Variants in HCN3 observed in about 807,000 individuals in gnomAD.
HCN3 encodes the protein hyperpolarization activated cyclic nucleotide gated potassium channel 3, also known as potassium/sodium hyperpolarization-activated cyclic nucleotide-gated channel 3.
HCN3 carries 36 observed loss-of-function variants against 56.8 expected under a neutral mutation model. The observed-to-expected ratio is 0.63, with a 90% CI of 0.49 to 0.84. The LOEUF (loss-of-function observed/expected upper bound fraction) is 0.84, where lower values mean the gene tolerates loss of function less well. Ranked by LOEUF, HCN3 falls within the 40% of genes least tolerant of loss-of-function variation. The pLI, the probability that HCN3 is intolerant of heterozygous loss-of-function variation, is 0.00. For synonymous variants in HCN3, 425 were observed against 439.7 expected (o/e 0.97, Z 0.42); for missense variants, 930 against 1,079.3 (o/e 0.86, Z 1.94).
chr1:155,283,684 C>T (rs956021472), intron 2 of HCN3, among the ~76,000 whole-genome samples: 3 of 151,796 alleles, frequency 2.0e-5, no homozygotes, highest in African/African-American at 7.3e-5. Context: ...ACCTGGGCAG[C>T]TTGTGCAATA....
In HCN3 at chr1:155,285,973, G is replaced by A. The variant is rs1557949778; in HGVS notation, c.1477+9G>A. 6.4e-7 allele frequency: 1 copy of A among 1,566,052 alleles called. No homozygotes were observed. Among genetic ancestry groups the A allele is most frequent in the Non-Finnish European group, 8.7e-7 (1 of 1,151,658 alleles). ...TGGATCCTACTTTGGGGGTCAGCAG[G>A]CCTCAGGGAGGGTGGCAGGGTCACG... On this transcript the variant is annotated intron_variant, in intron 6 of 7. Transcript: ENST00000368358. This position sits in a 1 kb window ranked among gnomAD's most constrained non-coding sequence, Gnocchi z 4.5.
rs1399307882 is a variant in HCN3, at chr1:155,285,959, T to C, written c.1472T>C (p.Phe491Ser). 1 of 1,580,710 alleles carries C rather than the reference T, an allele frequency of 6.3e-7. No individual in the cohort carries two copies. The highest frequency in any genetic ancestry group is 1.7e-5 in the Admixed American group (1 of 58,320). Residue 491 changes from phenylalanine to serine, a missense_variant, in exon 6 of 8, where the codon TTT becomes TCT. Coordinates refer to ENST00000368358, the MANE Select transcript of HCN3 (RefSeq NM_020897.3). The surrounding 1 kb of genome is among the most constrained non-coding windows in gnomAD (Gnocchi z 4.5). ...ACACGCCTCACCGATGGATCCTACT[T>C]TGGGGGTCAGCAGGCCTCAGGGAGG... ...RDTRLTDGSY[F>S]GEICLLTRGR...
At chr1:155,280,436 A>ATTTTT (rs58042846) in intron 1 of HCN3, among the ~76,000 whole-genome samples, 2 of 131,562 alleles carry the variant, frequency 1.5e-5, no homozygotes, top group Non-Finnish European at 3.3e-5. Context: ...CACCTGGCTA[A>ATTTTT]TTTTTTTTTT....
rs1427010799 is a variant in HCN3 at position 155,285,427 on chromosome 1, C to T, written c.1236+116C>T. ...AGGGAATGAGGCCTGCAGAGGGCCC[C>T]GTGGGAGGCCAGGTATTTGGGCTTT... is the stretch of plus-strand genomic sequence containing the variant. On this transcript the variant is annotated intron_variant, in intron 5 of 7. Coordinates refer to ENST00000368358, the MANE Select transcript of HCN3 (RefSeq NM_020897.3). The surrounding 1 kb of genome is among the most constrained non-coding windows in gnomAD (Gnocchi z 4.5). The T allele has an allele frequency of 3.7e-6, 5 of 1,363,206 alleles. No individual in the cohort carries two copies. The highest frequency in any genetic ancestry group is 1.5e-5 in the African/African-American group (1 of 68,432). 84.4% of individuals were successfully genotyped at this position (1,363,206 alleles called of 1,614,324 possible). A position where few individuals can be genotyped will look rare whatever the true frequency, so the allele number is the denominator to read the frequency against.
Position 155,277,679 on chromosome 1 carries a change from C to T in HCN3, c.89C>T (p.Ala30Val), listed in dbSNP as rs1673860482. 8 of 1,559,782 alleles carry T rather than the reference C, an allele frequency of 5.1e-6. No individual in the cohort carries two copies. The highest frequency in any genetic ancestry group is 6.1e-6 in the Non-Finnish European group (7 of 1,152,922). Reference sequence around the variant, plus strand: ...GTGCCTCCCGTTGCTCCCCCGCCTGCGACCGCGGCCTCAGGTCCGATCCCC... The same window carrying T: ...GTGCCTCCCGTTGCTCCCCCGCCTGTGACCGCGGCCTCAGGTCCGATCCCC... ...EAVPPVAPPP[A>V]TAASGPIPKS... is the part of the protein sequence containing the mutation. The change falls in exon 1 of 8, where the codon GCG becomes GTG. Residue 30 changes from alanine to valine, a missense_variant. Coordinates refer to ENST00000368358, the MANE Select transcript of HCN3 (RefSeq NM_020897.3).
In HCN3 at chr1:155,280,561, T is replaced by C. The variant is rs865890135; in HGVS notation, c.279-1850T>C. Among the ~76,000 whole-genome samples, 6 of 151,158 alleles carry C rather than the reference T, an allele frequency of 4.0e-5. No homozygotes were observed. In the Middle Eastern group the frequency reaches 0.01, roughly 259 times the overall value. ...ACGCCATTCTCCTTCCTCAGCCTCC[T>C]GAGTAGCTGGGACTACGGGCGCCCG... is the stretch of plus-strand genomic sequence containing the variant. On this transcript the variant is annotated intron_variant, in intron 1 of 7. Transcript: ENST00000368358.
chr1:155,278,173 A>G (rs983130385), intron 1 of HCN3, among the ~76,000 whole-genome samples: 1 of 152,134 alleles, frequency 6.6e-6, no homozygotes, highest in Non-Finnish European at 1.5e-5. Flanking sequence ...CAAAGGAACT[A>G]CCAGAGTTTG....
rs752827015 is a variant in HCN3 at position 155,287,141 on chromosome 1, G to A, written c.1478-32G>A. 5.0e-6 allele frequency: 8 copies of A among 1,606,618 alleles called. No individual in the cohort carries two copies. The African/African-American group carries it at 5.3e-5, about 11-fold the overall frequency. On this transcript the variant is annotated intron_variant, in intron 6 of 7. Coordinates refer to ENST00000368358, the MANE Select transcript of HCN3 (RefSeq NM_020897.3). ...CAAGAGGAGTTCTGGGGACAAGGACGGGGTTCTGAAGCTTCCTCCCAATTT... is the reference window on the plus strand; with the variant it reads ...CAAGAGGAGTTCTGGGGACAAGGACAGGGTTCTGAAGCTTCCTCCCAATTT...
chr1:155,285,443 T>G lies in HCN3; in HGVS notation c.1236+132T>G. On this transcript the variant is annotated intron_variant, in intron 5 of 7. Coordinates refer to ENST00000368358, the MANE Select transcript of HCN3 (RefSeq NM_020897.3). The surrounding 1 kb of genome is among the most constrained non-coding windows in gnomAD (Gnocchi z 4.5). Reference sequence around the variant, plus strand: ...AGAGGGCCCCGTGGGAGGCCAGGTATTTGGGCTTTCAGGGGCTAGGGTCTT... The same window carrying G: ...AGAGGGCCCCGTGGGAGGCCAGGTAGTTGGGCTTTCAGGGGCTAGGGTCTT... 1 of 1,251,932 alleles carries G rather than the reference T, an allele frequency of 8.0e-7. No homozygotes were observed. Among genetic ancestry groups the G allele is most frequent in the Non-Finnish European group, 1.1e-6 (1 of 915,668 alleles). 77.6% of individuals were successfully genotyped at this position (1,251,932 alleles called of 1,614,324 possible).
chr1:155,280,580 G>T (rs1673991857), intron 1 of HCN3, among the ~76,000 whole-genome samples: 1 of 147,608 alleles, frequency 6.8e-6, no homozygotes, highest in Admixed American at 6.8e-5. Flanking sequence ...GGGACTACGG[G>T]CGCCCGCCAC....
rs943701506 is a variant in HCN3, at chr1:155,277,827, G to A, written c.237G>A (p.Lys79=). 64 of 1,612,248 alleles carry A rather than the reference G, an allele frequency of 4.0e-5. No homozygotes were observed. The highest frequency in any genetic ancestry group is 4.6e-5 in the Non-Finnish European group (54 of 1,179,970). Reference sequence around the variant, plus strand: ...TGGAAATCGAGCAGGAGCGGGTGAAGTCAGCGGGGGCCTGGATCATCCACC... The same window carrying A: ...TGGAAATCGAGCAGGAGCGGGTGAAATCAGCGGGGGCCTGGATCATCCACC... The part of the protein sequence containing the change: ...KAVEIEQERV[K]SAGAWIIHPY... The change falls in exon 1 of 8, where the codon AAG becomes AAA. Residue 79 remains lysine, a synonymous_variant. Coordinates refer to ENST00000368358, the MANE Select transcript of HCN3 (RefSeq NM_020897.3).
In HCN3 at chr1:155,283,231, C is replaced by A. The variant is rs72704148; in HGVS notation, c.708+391C>A. On this transcript the variant is annotated intron_variant, in intron 2 of 7. Transcript: ENST00000368358. The stretch of plus-strand genomic sequence containing the variant: ...AGTCTCATTGTCTTTGGTCAGATCC[C>A]AGTTTTATTGTTTACTATAGGAGAC... Among the ~76,000 whole-genome samples the A allele has an allele frequency of 8.3e-3, 1,262 of 152,106 alleles. 10 individuals are homozygous for A. The highest frequency in any genetic ancestry group is 0.011 in the Non-Finnish European group (752 of 68,008).
rs201298503 is a variant in HCN3, at chr1:155,285,231, G to A, written c.1156G>A (p.Glu386Lys). ...LPADTRQRIH[E>K]YYEHRYQGKM... Reference sequence around the variant, plus strand: ...AGCAGACACGCGGCAGCGCATCCACGAGTACTATGAGCACCGCTACCAGGG... The same window carrying A: ...AGCAGACACGCGGCAGCGCATCCACAAGTACTATGAGCACCGCTACCAGGG... The change falls in exon 5 of 8, where the codon GAG becomes AAG. Residue 386 changes from glutamate (E) to lysine (K), a missense_variant. Transcript: ENST00000368358. The surrounding 1 kb of genome is among the most constrained non-coding windows in gnomAD (Gnocchi z 4.5). 8.7e-6 allele frequency: 14 copies of A among 1,614,236 alleles called. No homozygotes were observed. In the East Asian group the frequency reaches 2.5e-4, roughly 28 times the overall value.
Position 155,284,393 on chromosome 1 carries a change from C to A in HCN3, c.871-146C>A. ...ATAGAGGACCCTTTTGCCTCAGGGC[C>A]CCCCAGAACCAAACTTAAGTGCCTG... On this transcript the variant is annotated intron_variant, in intron 3 of 7. Coordinates refer to ENST00000368358, the MANE Select transcript of HCN3 (RefSeq NM_020897.3). The surrounding 1 kb of genome is among the most constrained non-coding windows in gnomAD (Gnocchi z 4.3). 4.1e-6 allele frequency: 4 copies of A among 971,336 alleles called. No homozygotes were observed. The highest frequency in any genetic ancestry group is 4.5e-6 in the Non-Finnish European group (3 of 673,982). The allele number at this position is 971,336 out of a possible 1,614,324, so 60.2% of individuals were successfully genotyped here. A position where few individuals can be genotyped will look rare whatever the true frequency, so the allele number is the denominator to read the frequency against.
chr1:155,284,152 G>A lies in HCN3; in HGVS notation c.870+17G>A. 1 of 1,611,658 alleles carries A rather than the reference G, an allele frequency of 6.2e-7. No homozygotes were observed. Among genetic ancestry groups the A allele is most frequent in the Non-Finnish European group, 8.5e-7 (1 of 1,177,948 alleles). ...CACATGGTGGTGAGAAGTCCCCACA[G>A]CTCTGCCTTTCCTGGGCCTTCTTAG... On this transcript the variant is annotated intron_variant, in intron 3 of 7. Coordinates refer to ENST00000368358, the MANE Select transcript of HCN3 (RefSeq NM_020897.3). The surrounding 1 kb of genome is among the most constrained non-coding windows in gnomAD (Gnocchi z 4.3).
Position 155,284,842 on chromosome 1 carries a change from C to T in HCN3, c.1089+85C>T, listed in dbSNP as rs1208232363. On this transcript the variant is annotated intron_variant, in intron 4 of 7. Coordinates refer to ENST00000368358, the MANE Select transcript of HCN3 (RefSeq NM_020897.3). This position sits in a 1 kb window ranked among gnomAD's most constrained non-coding sequence, Gnocchi z 4.3. ...GACTTGAGGCCCATTCTGATGTGTG[C>T]CCCTGTTGCGTCTCTGTTTCCTTTC... 8 of 1,205,560 alleles carry T rather than the reference C, an allele frequency of 6.6e-6. No homozygotes were observed. The highest frequency in any genetic ancestry group is 2.5e-5 in the East Asian group (1 of 39,508). 74.7% of individuals were successfully genotyped at this position (1,205,560 alleles called of 1,614,324 possible). A position where few individuals can be genotyped will look rare whatever the true frequency, so the allele number is the denominator to read the frequency against.
intron 2 of HCN3, among the ~76,000 whole-genome samples, chr1:155,283,744 T>C (rs1360002815): frequency 2.0e-5 from 3 of 152,178 alleles, no homozygotes; most frequent in African/African-American, 7.2e-5. Context: ...TCTGGGCACA[T>C]GACTGACCTC....
Position 155,288,075 on chromosome 1 carries a change from C to T in HCN3, c.1937C>T (p.Ala646Val), listed in dbSNP as rs370336503. 1.2e-6 allele frequency: 2 copies of T among 1,612,606 alleles called. No individual in the cohort carries two copies. Among genetic ancestry groups the T allele is most frequent in the Non-Finnish European group, 1.7e-6 (2 of 1,179,704 alleles). The change falls in exon 8 of 8, where the codon GCT becomes GTT. Residue 646 changes from alanine to valine, a missense_variant. By Grantham distance (64) the Ala-to-Val change is moderately conservative. Transcript: ENST00000368358. This position sits in a 1 kb window ranked among gnomAD's most constrained non-coding sequence, Gnocchi z 6.5. ...DSPATLLARS[A>V]WRSAGSPASP... ...CCAGCCACCCTCCTTGCTCGCTCTG[C>T]TTGGCGCTCAGCAGGCTCTCCAGCT...
At chr1:155,286,103 T>C in intron 6 of HCN3, 139 bp downstream of exon 6, 1 of 1,238,924 alleles carries the variant, frequency 8.1e-7, no homozygotes, top group African/African-American at 1.5e-5. Context: ...TCAGTGAGAA[T>C]CTCTGGGCTG....
Sources: gnomAD v4.1 joint callset for allele counts (sites outside exome capture counted in the v4.1 genomes callset) on GRCh38, gnomAD v4.1.1 for gene constraint, Gnocchi (gnomAD v3.1) non-coding constraint, MANE v1.5 for transcripts, NCBI Gene and HGNC (gene_info 2026-07-23, HGNC 2026-07-21) for gene names.